HMCN1: variants seen among roughly 807,000 people sequenced by gnomAD.
HMCN1 encodes the protein hemicentin 1, also known as hemicentin-1.
In HMCN1, 321 loss-of-function variants were observed where a neutral mutation model predicts 625.9. The ratio of observed to expected loss-of-function variants is 0.51; its 90% confidence interval spans 0.47 to 0.56. The LOEUF is 0.56. HMCN1 is among the 20% of genes least tolerant of loss of function. The probability of loss-of-function intolerance (pLI) is 0.00; values close to 1 mark genes in which losing one functional copy is unlikely to be tolerated. For synonymous variants in HMCN1, 2,425 were observed against 2,417.6 expected (o/e 1.00, Z -0.09); for missense variants, 6,588 against 6,887.3 (o/e 0.96, Z 1.54).
chr1:185,847,133 T>G (rs1016067535), intron 2 of HMCN1, among the ~76,000 whole-genome samples: 5 of 80,162 alleles, frequency 6.2e-5, no homozygotes, highest in Admixed American at 1.0e-4. Context: ...TAGCTTAGAG[T>G]TTTTTTTTTA....
At chr1:186,090,978 T>C (rs1161300368) in intron 64 of HMCN1, 61 bp downstream of exon 64, 3 of 1,478,184 alleles carry the variant, frequency 2.0e-6, no homozygotes, top group Non-Finnish European at 2.8e-6. Flanking sequence ...GCTTTATGCT[T>C]CAAATTTCAC....
intron 40 of HMCN1, among the ~76,000 whole-genome samples, chr1:186,042,725 G>A (rs1052822881): frequency 1.3e-5 from 2 of 152,076 alleles, no homozygotes; most frequent in African/African-American, 4.8e-5. Flanking sequence ...ATTAAAACAG[G>A]TTTTTAATCT....
chr1:185,804,266 A>C (rs1659020149), intron 1 of HMCN1, among the ~76,000 whole-genome samples: 1 of 152,086 alleles, frequency 6.6e-6, no homozygotes, highest in Admixed American at 6.6e-5. Flanking sequence ...AAATGGTATT[A>C]ACAAATCCTT....
intron 59 of HMCN1, 46 bp from the exon 60 acceptor site, chr1:186,087,397 G>A (rs1659564291): frequency 1.9e-6 from 3 of 1,600,508 alleles, no homozygotes; most frequent in Non-Finnish European, 1.7e-6. Flanking sequence ...TTCTATCTGA[G>A]CACCTTAATG....
At chr1:185,903,897 C>A (rs1665951594) in intron 4 of HMCN1, among the ~76,000 whole-genome samples, 1 of 151,836 alleles carries the variant, frequency 6.6e-6, no homozygotes, top group Non-Finnish European at 1.5e-5. Flanking sequence ...TCTATAGGCA[C>A]ACGTACAAAG....
chr1:186,147,191 G>A (rs1330830189), intron 93 of HMCN1, among the ~76,000 whole-genome samples: 3 of 152,134 alleles, frequency 2.0e-5, no homozygotes, highest in South Asian at 2.1e-4. Context: ...CACATACTCT[G>A]TCCCCTACCC....
intron 86 of HMCN1, among the ~76,000 whole-genome samples, 186 bp from the exon 87 acceptor site, chr1:186,136,482 C>G (rs1241205459): frequency 6.6e-6 from 1 of 151,876 alleles, no homozygotes; most frequent in African/African-American, 2.4e-5. Flanking sequence ...TTGACATTTA[C>G]TAAATAAAAA....
intron 2 of HMCN1, among the ~76,000 whole-genome samples, chr1:185,852,063 G>A (rs1468200929): frequency 1.3e-5 from 2 of 151,960 alleles, no homozygotes; most frequent in African/African-American, 4.8e-5. Flanking sequence ...GTGAGGTCCA[G>A]GAGAATAAAT....
chr1:186,087,502 G>A lies in HMCN1; in HGVS notation c.9220G>A (p.Gly3074Arg), dbSNP rs770629547. The change falls in exon 60 of 107, where the codon GGA becomes AGA. Residue 3074 changes from glycine (G) to arginine (R), a missense_variant. Gly to Arg is a moderately radical substitution (Grantham distance 125). This residue lies in a region of HMCN1 where 4,628 missense variants were observed against 4,853.1 expected (regional missense o/e 0.95). Transcript: ENST00000271588. Reference protein sequence around the residue: ...ESLSVVNVREGTSVSLECESN... With the variant: ...ESLSVVNVRERTSVSLECESN... ...TCTTTCTGTAGTTAATGTAAGAGAG[G>A]GAACTTCTGTGTCTTTGGAGTGTGA... 1.7e-5 allele frequency: 28 copies of A among 1,613,166 alleles called. No individual in the cohort carries two copies. In the South Asian group the frequency reaches 3.0e-4, roughly 17 times the overall value.
chr1:185,830,159 A>C (rs1660767472), intron 1 of HMCN1, among the ~76,000 whole-genome samples: 3 of 152,050 alleles, frequency 2.0e-5, no homozygotes, highest in Admixed American at 6.6e-5. Flanking sequence ...CCTTTGTCAG[A>C]TGGGTAGATT....
chr1:185,773,535 T>A (rs1037028525), intron 1 of HMCN1, among the ~76,000 whole-genome samples: 2 of 152,248 alleles, frequency 1.3e-5, no homozygotes, highest in South Asian at 4.1e-4. Flanking sequence ...GAAGCCAACA[T>A]GTAGAGGAGG....
chr1:186,064,088 A>AGT (rs898347546), intron 48 of HMCN1, among the ~76,000 whole-genome samples: 3 of 152,168 alleles, frequency 2.0e-5, no homozygotes, highest in Non-Finnish European at 2.9e-5. Flanking sequence ...AGATATAAAC[A>AGT]GTGTGATATA....
At chr1:186,076,703 G>A in intron 54 of HMCN1, 81 bp downstream of exon 54, 1 of 1,399,450 alleles carries the variant, frequency 7.1e-7, no homozygotes, top group Admixed American at 1.7e-5. Flanking sequence ...AATTGAATTG[G>A]TTGGGTCTCT....
intron 100 of HMCN1, among the ~76,000 whole-genome samples, chr1:186,167,275 A>G (rs182845990): frequency 2.0e-5 from 3 of 152,342 alleles, no homozygotes; most frequent in East Asian, 3.9e-4. Flanking sequence ...AATCTATTTC[A>G]TAAAATTCCA....
At chr1:186,171,939 A>G (rs1571459982) in intron 101 of HMCN1, 67 bp from the exon 102 acceptor site, 1 of 1,495,022 alleles carries the variant, frequency 6.7e-7, no homozygotes, top group African/African-American at 1.4e-5. Flanking sequence ...ATCCAAAAGT[A>G]TGATTTCTCT....
intron 93 of HMCN1, among the ~76,000 whole-genome samples, chr1:186,147,224 G>A (rs1288769554): frequency 6.6e-6 from 1 of 152,034 alleles, no homozygotes; most frequent in Non-Finnish European, 1.5e-5. Context: ...TGCCCTCCCT[G>A]GCTTAGTTAA....
At chr1:186,065,015 A>T (rs1658014598) in intron 48 of HMCN1, among the ~76,000 whole-genome samples, 1 of 152,124 alleles carries the variant, frequency 6.6e-6, no homozygotes, top group South Asian at 2.1e-4. Context: ...ACACTAACCT[A>T]CATTTGAAAA....
intron 2 of HMCN1, 31 bp downstream of exon 2, chr1:185,846,127 G>A (rs956158312): frequency 2.5e-5 from 37 of 1,475,200 alleles, no homozygotes; most frequent in Non-Finnish European, 3.2e-5. Flanking sequence ...TTCTCTTGGG[G>A]GAATGGAAAA....
intron 30 of HMCN1, among the ~76,000 whole-genome samples, chr1:186,014,406 G>T (rs908227757): frequency 6.6e-6 from 1 of 151,814 alleles, no homozygotes; most frequent in African/African-American, 2.4e-5. Context: ...CATGTGCCAT[G>T]CTGGTTATAA....
Sources: gnomAD v4.1 joint callset for allele counts (sites outside exome capture counted in the v4.1 genomes callset) on GRCh38, gnomAD v4.1.1 for gene constraint, gnomAD v4.1.1 regional missense constraint, MANE v1.5 for transcripts, NCBI Gene and HGNC (gene_info 2026-07-23, HGNC 2026-07-21) for gene names.